ADH1B: variants seen among roughly 807,000 people sequenced by gnomAD.
ADH1B encodes the protein alcohol dehydrogenase 1B (class I), beta polypeptide.
ADH1B carries 29 observed loss-of-function variants against 34.6 expected under a neutral mutation model. The ratio of observed to expected loss-of-function variants is 0.84; its 90% CI spans 0.62 to 1.14. ADH1B has a LOEUF of 1.14. Among genes scored for constraint, ADH1B ranks in the 50% most tolerant of loss-of-function variants. The probability of loss-of-function intolerance (pLI) is 0.00; values close to 1 mark genes in which losing one functional copy is unlikely to be tolerated. For synonymous variants in ADH1B, 170 were observed against 175.5 expected, an observed-to-expected ratio of 0.97 and a Z score of 0.25; for missense variants, 424 against 468.4, an observed-to-expected ratio of 0.91 and a Z score of 0.87.
At position 99,316,005 on chromosome 4, in the gene ADH1B, C is replaced by T. The variant is rs1733874525; in HGVS notation, c.460G>A (p.Asp154Asn). 6.2e-7 allele frequency: 1 copy of T among 1,614,200 alleles called. No individual in the cohort carries two copies. Among genetic ancestry groups the T allele is most frequent in the Non-Finnish European group, 8.5e-7 (1 of 1,180,028 alleles). Residue 154 changes from aspartate to asparagine, a missense_variant, in exon 5 of 9, where the codon GAT becomes AAT. By Grantham distance (23) the Asp-to-Asn change is conservative (BLOSUM62 1). Transcript: ENST00000305046. ...TSTFSQYTVVDENAVAKIDAA... is the reference protein window; with the variant it reads ...TSTFSQYTVVNENAVAKIDAA... Reference sequence around the variant, plus strand: ...TCAATTTTGGCCACTGCATTCTCATCCACCACCGTGTACTGGGAGAAGGTG... The same window carrying T: ...TCAATTTTGGCCACTGCATTCTCATTCACCACCGTGTACTGGGAGAAGGTG...
Position 99,310,770 on chromosome 4 carries a change from C to G in ADH1B, c.1098G>C (p.Gly366=), listed in dbSNP as rs908087151. ...AAAACTAACTTAAAATCTACCTTTT[C>G]CCAGAGTGAAGCAGGTCAAATCCTT... The part of the protein sequence containing the change: ...INEGFDLLHS[G]KSIRTVLTF Residue 366 remains glycine, a synonymous_variant, in exon 8 of 9, where the codon GGG becomes GGC. Coordinates refer to ENST00000305046, the MANE Select transcript of ADH1B (RefSeq NM_000668.6). 1.2e-6 allele frequency: 2 copies of G among 1,606,328 alleles called. No individual in the cohort carries two copies. Among genetic ancestry groups the G allele is most frequent in the Non-Finnish European group, 1.7e-6 (2 of 1,178,118 alleles).
At chr4:99,320,227 G>A (rs1321596230) in intron 1 of ADH1B, 1 of 152,050 alleles carries the variant, frequency 6.6e-6, no homozygotes, top group Non-Finnish European at 1.5e-5. Context: ...AGTCCCCAAA[G>A]TCCATTATAT....
intron 6 of ADH1B, among the ~76,000 whole-genome samples, chr4:99,312,248 G>A (rs962267022): frequency 6.6e-6 from 1 of 152,152 alleles, no homozygotes; most frequent in Non-Finnish European, 1.5e-5. Context: ...TGACCTTTGG[G>A]AGACCAGACA....
chr4:99,315,798 A>C, intron 5 of ADH1B, 100 bp downstream of exon 5: 1 of 1,484,308 alleles, frequency 6.7e-7, no homozygotes, highest in Non-Finnish European at 9.3e-7. Context: ...CGACACTTTA[A>C]ATCTACAAAA....
At position 99,311,547 on chromosome 4, in the gene ADH1B, C is replaced by A. The variant is rs142543822; in HGVS notation, c.938G>T (p.Arg313Leu). Reference protein sequence around the residue: ...SINPMLLLTGRTWKGAVYGGF... With the variant: ...SINPMLLLTGLTWKGAVYGGF... Reference sequence around the variant, plus strand: ...ACCATAAACAGCCCCCTTCCAGGTGCGTCCAGTCAGTAGCAGCATAGGGTT... The same window carrying A: ...ACCATAAACAGCCCCCTTCCAGGTGAGTCCAGTCAGTAGCAGCATAGGGTT... The change falls in exon 7 of 9, where the codon CGC becomes CTC. Residue 313 changes from arginine (R) to leucine (L), a missense_variant. By Grantham distance (102) the Arg-to-Leu change is moderately radical (BLOSUM62 -2). This residue lies in a region of ADH1B where 130 missense variants were observed against 151.8 expected (regional missense o/e 0.86). Transcript: ENST00000305046. 19 of 1,613,936 alleles carry A rather than the reference C, an allele frequency of 1.2e-5. No homozygotes were observed. The African/African-American group carries it at 2.1e-4, about 18-fold the overall frequency.
At chr4:99,313,303 A>T (rs936185410) in intron 6 of ADH1B, among the ~76,000 whole-genome samples, 1 of 152,182 alleles carries the variant, frequency 6.6e-6, no homozygotes, top group Admixed American at 6.5e-5. Flanking sequence ...GTGATAAAAT[A>T]CAGTGATGTC....
At position 99,307,387 on chromosome 4, in the gene ADH1B, A is replaced by T. The variant is rs1365741157; in HGVS notation, c.*453T>A. The T allele has an allele frequency of 1.1e-5, 2 of 181,212 alleles. No homozygotes were observed. The highest frequency in any genetic ancestry group is 4.8e-5 in the African/African-American group (2 of 41,450). 11.2% of individuals were successfully genotyped at this position (181,212 alleles called of 1,614,324 possible). The stretch of plus-strand genomic sequence containing the variant: ...TACCCCAGGGATTTGGTACATTTTT[A>T]TTAGAAAAAGGAAAATGTCGACAGT... On this transcript the variant is annotated 3_prime_UTR_variant, in exon 9 of 9. Coordinates refer to ENST00000305046, the MANE Select transcript of ADH1B (RefSeq NM_000668.6).
At position 99,306,695 on chromosome 4, in the gene ADH1B, G is replaced by C. The variant is rs1733618452; in HGVS notation, c.*1145C>G. On this transcript the variant is annotated 3_prime_UTR_variant, in exon 9 of 9. Coordinates refer to ENST00000305046, the MANE Select transcript of ADH1B (RefSeq NM_000668.6). ...TGGGAAAGCATTAACAAATGAGAGT[G>C]GGAAAAGCATTAACAAAGCATTAAC... 1 of 151,980 alleles carries C rather than the reference G, an allele frequency of 6.6e-6. No individual in the cohort carries two copies. The allele number at this position is 151,980 out of a possible 1,614,324, so 9.4% of individuals were successfully genotyped here.
intron 5 of ADH1B, chr4:99,315,195 A>G (rs188777753): frequency 6.6e-6 from 1 of 152,362 alleles, no homozygotes; most frequent in Non-Finnish European, 1.5e-5. Context: ...CTTTGGGCAA[A>G]TATCTTTATA....
In ADH1B at chr4:99,318,848, C is replaced by A; in HGVS notation, c.57G>T (p.Lys19Asn). 1 of 1,613,952 alleles carries A rather than the reference C, an allele frequency of 6.2e-7. No homozygotes were observed. The highest frequency in any genetic ancestry group is 8.5e-7 in the Non-Finnish European group (1 of 1,179,898). The change falls in exon 2 of 9, where the codon AAG becomes AAT. Residue 19 changes from lysine (K) to asparagine (N), a missense_variant. Coordinates refer to ENST00000305046, the MANE Select transcript of ADH1B (RefSeq NM_000668.6). ...KCKAAVLWEV[K>N]KPFSIEDVEV... The stretch of plus-strand genomic sequence containing the variant: ...CCACATCCTCAATGGAAAAGGGTTT[C>A]TTTACCTCCCATAGCACAGCTGCTT...
intron 1 of ADH1B, chr4:99,320,936 A>G: frequency 8.0e-7 from 1 of 1,246,146 alleles, no homozygotes; most frequent in Non-Finnish European, 1.0e-6. Flanking sequence ...AAAAATTTGA[A>G]TAAAAATAAT....
At chr4:99,315,797 A>T in intron 5 of ADH1B, 101 bp downstream of exon 5, 1 of 1,474,290 alleles carries the variant, frequency 6.8e-7, no homozygotes, top group Non-Finnish European at 9.4e-7. Flanking sequence ...TCGACACTTT[A>T]AATCTACAAA....
rs1579513137 is a variant in ADH1B, at chr4:99,316,000, C to A, written c.465G>T (p.Glu155Asp). ...STFSQYTVVDENAVAKIDAAS... is the reference protein window; with the variant it reads ...STFSQYTVVDDNAVAKIDAAS... ...CTGCATCAATTTTGGCCACTGCATT[C>A]TCATCCACCACCGTGTACTGGGAGA... The change falls in exon 5 of 9, where the codon GAG (glutamate) becomes GAT (aspartate). Residue 155 changes from glutamate to aspartate, a missense_variant. This residue lies in a region of ADH1B where 291 missense variants were observed against 300.4 expected (regional missense o/e 0.97). Coordinates refer to ENST00000305046, the MANE Select transcript of ADH1B (RefSeq NM_000668.6). The A allele has an allele frequency of 1.2e-6, 2 of 1,614,216 alleles. No homozygotes were observed. Among genetic ancestry groups the A allele is most frequent in the Non-Finnish European group, 1.7e-6 (2 of 1,180,032 alleles).
intron 6 of ADH1B, 179 bp downstream of exon 6, chr4:99,313,642 A>C (rs1185950370): frequency 8.3e-7 from 1 of 1,200,936 alleles, no homozygotes; most frequent in Non-Finnish European, 1.2e-6. Context: ...GGTTTGGGTA[A>C]TTGATGGAAG....
rs770345544 is a variant in ADH1B at position 99,307,804 on chromosome 4, C to G, written c.*36G>C. ...TCCAGATCTTGTAGGGTAGAGGAGG[C>G]TGAAGACTGCTACAGGGGAAGGCAT... On this transcript the variant is annotated 3_prime_UTR_variant, in exon 9 of 9. Coordinates refer to ENST00000305046, the MANE Select transcript of ADH1B (RefSeq NM_000668.6). 1.2e-6 allele frequency: 2 copies of G among 1,611,788 alleles called. No homozygotes were observed. The highest frequency in any genetic ancestry group is 2.7e-5 in the African/African-American group (2 of 74,770).
At chr4:99,315,471 T>C (rs1029486805) in intron 5 of ADH1B, 2 of 264,542 alleles carry the variant, frequency 7.6e-6, no homozygotes, top group African/African-American at 4.5e-5. Flanking sequence ...GACTCTACTG[T>C]TGATCCTATT....
chr4:99,311,582 G>T lies in ADH1B; in HGVS notation c.903C>A (p.Asn301Lys), dbSNP rs1403271083. Reference protein sequence around the residue: ...VIVGVPPASQNLSINPMLLLT... With the variant: ...VIVGVPPASQKLSINPMLLLT... ...GTAGCAGCATAGGGTTTATTGAGAG[G>T]TTCTGGGAAGCAGGAGGTACCCCTA... The change falls in exon 7 of 9, where the codon AAC (asparagine) becomes AAA (lysine). Residue 301 changes from asparagine to lysine, a missense_variant. Asn to Lys is a moderately conservative substitution (Grantham distance 94). Coordinates refer to ENST00000305046, the MANE Select transcript of ADH1B (RefSeq NM_000668.6). 10 of 1,614,064 alleles carry T rather than the reference G, an allele frequency of 6.2e-6. No homozygotes were observed. The highest frequency in any genetic ancestry group is 7.6e-6 in the Non-Finnish European group (9 of 1,179,974).
In ADH1B at chr4:99,311,037, T is replaced by TA. The variant is rs754644189; in HGVS notation, c.965-135dup. 1.8e-5 allele frequency: 19 copies of TA among 1,058,174 alleles called. 1 individual carries two copies. The highest frequency in any genetic ancestry group is 2.5e-5 in the Non-Finnish European group (18 of 710,776). 65.5% of individuals were successfully genotyped at this position (1,058,174 alleles called of 1,614,324 possible). On this transcript the variant is annotated intron_variant, in intron 7 of 8. Coordinates refer to ENST00000305046, the MANE Select transcript of ADH1B (RefSeq NM_000668.6). The stretch of plus-strand genomic sequence containing the variant: ...TGCTATAACTGAGGATAAGAAGAGA[T>TA]ACAGTACTTCAATATGCTTTTACAG...
In ADH1B at chr4:99,315,971, G is replaced by A. The variant is rs755600179; in HGVS notation, c.494C>T (p.Ser165Leu). ...ENAVAKIDAA[S>L]PLEKVCLIGC... Reference sequence around the variant, plus strand: ...AATGAGGCAGACTTTCTCCAGGGGCGAGGCTGCATCAATTTTGGCCACTGC... The same window carrying A: ...AATGAGGCAGACTTTCTCCAGGGGCAAGGCTGCATCAATTTTGGCCACTGC... The change falls in exon 5 of 9, where the codon TCG (serine) becomes TTG (leucine). Residue 165 changes from serine (S) to leucine (L), a missense_variant. Physicochemically the swap from Ser to Leu is moderately radical, Grantham distance 145 (BLOSUM62 -2). Transcript: ENST00000305046. 3.1e-6 allele frequency: 5 copies of A among 1,614,192 alleles called. No homozygotes were observed. The South Asian group carries it at 4.4e-5, about 14-fold the overall frequency.
Sources: allele counts gnomAD v4.1 joint callset (sites outside exome capture counted in the v4.1 genomes callset), GRCh38; gene constraint gnomAD v4.1.1; regional missense constraint gnomAD v4.1.1; transcripts MANE v1.5; gene names NCBI Gene and HGNC (gene_info 2026-07-23, HGNC 2026-07-21).